KCNU1: variants seen among roughly 807,000 people sequenced by gnomAD.
The protein encoded by KCNU1 is potassium channel subfamily U member 1.
A neutral mutation model predicts 126.8 loss-of-function variants in KCNU1; 93 were observed. The observed-to-expected ratio is 0.73, with a 90% CI of 0.62 to 0.87. The LOEUF (loss-of-function observed/expected upper bound fraction) is 0.87, where lower values mean the gene tolerates loss of function less well. Among genes scored for constraint, KCNU1 ranks in the 40% least tolerant of loss-of-function variants. KCNU1 has a pLI of 0.00. For synonymous variants in KCNU1, 523 were observed against 494.2 expected (o/e 1.06, Z -0.77); for missense variants, 1,330 against 1,367.1 (o/e 0.97, Z 0.43).
At position 36,784,382 on chromosome 8, in the gene KCNU1, TG is replaced by T; in HGVS notation, c.-27del. ...GCGACCACGGCGTCATCAAATGACC[TG>T]GCAATTCCGTCTACTGATGTCTCGA... On this transcript the variant is annotated 5_prime_UTR_variant, in exon 1 of 27. An upstream open reading frame in the 5' UTR gains an earlier in-frame stop. Transcript: ENST00000399881. 6.3e-7 allele frequency: 1 copy of T among 1,575,990 alleles called. No individual in the cohort carries two copies. Among genetic ancestry groups the T allele is most frequent in the Non-Finnish European group, 8.7e-7 (1 of 1,155,090 alleles).
chr8:36,829,066 G>A (rs903801427), intron 10 of KCNU1, among the ~76,000 whole-genome samples: 15 of 151,834 alleles, frequency 9.9e-5, no homozygotes, highest in African/African-American at 2.7e-4. Flanking sequence ...TTCTCTTTCC[G>A]TGACATACTC....
rs150145652 is a variant in KCNU1, at chr8:36,826,391, G to T, written c.1107-7163G>T. Among the ~76,000 whole-genome samples, 338 of 151,946 alleles carry T rather than the reference G, an allele frequency of 2.2e-3. 5 individuals are homozygous for T. The highest frequency in any genetic ancestry group is 7.7e-3 in the African/African-American group (319 of 41,464). On this transcript the variant is annotated intron_variant, in intron 10 of 26. Coordinates refer to ENST00000399881, the MANE Select transcript of KCNU1 (RefSeq NM_001031836.3). ...CGCCTGGCTAATTTTTGTATTGTTA[G>T]TAGAGATGGGGTTTCACCATGTTGG...
chr8:36,841,054 T>C (rs1804938693), intron 16 of KCNU1, 51 bp downstream of exon 16: 2 of 1,176,026 alleles, frequency 1.7e-6, no homozygotes, highest in South Asian at 1.4e-5. Flanking sequence ...TTTTTTTTTT[T>C]TTCCTGGAGA....
rs775574992 is a variant in KCNU1, at chr8:36,821,230, C to G, written c.1106+3470C>G. On this transcript the variant is annotated intron_variant, in intron 10 of 26. Transcript: ENST00000399881. ...AGAGGACAGAGAAAAGAATTACGGA[C>G]AGTAGATTAACTCGTGAGCACAGAA... Among the ~76,000 whole-genome samples, 8 of 152,272 alleles carry G rather than the reference C, an allele frequency of 5.3e-5. No individual in the cohort carries two copies. In the South Asian group the frequency reaches 1.7e-3, roughly 32 times the overall value.
At position 36,833,541 on chromosome 8, in the gene KCNU1, C is replaced by A. The variant is rs1804636889; in HGVS notation, c.1107-13C>A. 1 of 1,539,406 alleles carries A rather than the reference C, an allele frequency of 6.5e-7. No homozygotes were observed. Among genetic ancestry groups the A allele is most frequent in the Admixed American group, 1.7e-5 (1 of 59,756 alleles). On this transcript the variant is annotated splice_polypyrimidine_tract_variant and intron_variant, in intron 10 of 26. Transcript: ENST00000399881. ...TTTTTTCCCTCATTGCTGCCACGTT[C>A]TTTTTTGTCCAGAACCCCTCCTTCT...
chr8:36,846,171 G>A (rs775459260), intron 18 of KCNU1, among the ~76,000 whole-genome samples: 2 of 152,164 alleles, frequency 1.3e-5, no homozygotes, highest in South Asian at 2.1e-4. Flanking sequence ...GCCAGTTAGC[G>A]GCATCACCAA....
chr8:36,791,556 G>A (rs748396267), intron 2 of KCNU1, among the ~76,000 whole-genome samples: 39 of 151,996 alleles, frequency 2.6e-4, no homozygotes, highest in South Asian at 4.1e-4. Context: ...CTGTGAATGT[G>A]TAATCCTCTC....
At chr8:36,922,402 A>G in intron 23 of KCNU1, 88 bp from the exon 24 acceptor site, 2 of 1,363,564 alleles carry the variant, frequency 1.5e-6, no homozygotes, top group African/African-American at 1.5e-5. Flanking sequence ...CTTTTGATCA[A>G]GTGGTCGCCC....
chr8:36,906,258 T>C (rs1807625448), intron 20 of KCNU1, among the ~76,000 whole-genome samples: 1 of 152,072 alleles, frequency 6.6e-6, no homozygotes, highest in African/African-American at 2.4e-5. Context: ...TAGTGGTTTT[T>C]CTTAAAGCTG....
chr8:36,935,444 T>C, intron 26 of KCNU1, 71 bp from the exon 27 acceptor site: 1 of 1,253,282 alleles, frequency 8.0e-7, no homozygotes, highest in South Asian at 1.5e-5. Context: ...GACCTCTTTA[T>C]TTGGGTCACT....
At chr8:36,829,503 A>G (rs970207258) in intron 10 of KCNU1, among the ~76,000 whole-genome samples, 1 of 151,798 alleles carries the variant, frequency 6.6e-6, no homozygotes, top group African/African-American at 2.4e-5. Flanking sequence ...CATTAATACT[A>G]CAGTCTTTTA....
chr8:36,851,244 A>G (rs968948116), intron 18 of KCNU1, among the ~76,000 whole-genome samples: 2 of 152,096 alleles, frequency 1.3e-5, no homozygotes, highest in African/African-American at 4.8e-5. Context: ...CTCATCTTGA[A>G]TTGTAATCCC....
chr8:36,825,156 C>T (rs1049502766), intron 10 of KCNU1, among the ~76,000 whole-genome samples: 4 of 152,094 alleles, frequency 2.6e-5, no homozygotes, highest in Admixed American at 1.3e-4. Context: ...TCTTTTTAAT[C>T]GTAGCCATTC....
At chr8:36,784,718 G>A in intron 1 of KCNU1, 113 bp downstream of exon 1, 1 of 829,690 alleles carries the variant, frequency 1.2e-6, no homozygotes, top group Non-Finnish European at 1.9e-6. Context: ...AACAGAGTCA[G>A]CTTCTATAGC....
At chr8:36,862,020 T>G (rs765090186) in intron 18 of KCNU1, among the ~76,000 whole-genome samples, 3 of 152,082 alleles carry the variant, frequency 2.0e-5, no homozygotes, top group East Asian at 1.9e-4. Context: ...TTGTTTGTTT[T>G]TTGGTATCCA....
chr8:36,899,640 G>C (rs1807339082), intron 19 of KCNU1, among the ~76,000 whole-genome samples: 1 of 152,104 alleles, frequency 6.6e-6, no homozygotes, highest in Non-Finnish European at 1.5e-5. Flanking sequence ...AGCAGAGAGA[G>C]AGGTTGAAGA....
intron 18 of KCNU1, among the ~76,000 whole-genome samples, chr8:36,863,118 C>T (rs1199302664): frequency 6.6e-6 from 1 of 152,276 alleles, no homozygotes; most frequent in East Asian, 1.9e-4. Flanking sequence ...ATCACATATC[C>T]AAAGGATGTC....
At chr8:36,836,722 C>T in intron 13 of KCNU1, 71 bp from the exon 14 acceptor site, 1 of 1,297,848 alleles carries the variant, frequency 7.7e-7, no homozygotes, top group South Asian at 1.3e-5. Flanking sequence ...AAAAGAAAGA[C>T]ATCCATCCTC....
At chr8:36,922,791 C>G (rs564929110) in intron 24 of KCNU1, among the ~76,000 whole-genome samples, 162 bp downstream of exon 24, 3 of 152,280 alleles carry the variant, frequency 2.0e-5, no homozygotes, top group South Asian at 4.1e-4. Context: ...TTTCTCATAA[C>G]TACTTGGTGT....
Sources: gnomAD v4.1 joint callset for allele counts (sites outside exome capture counted in the v4.1 genomes callset) on GRCh38, gnomAD v4.1.1 for gene constraint, MANE v1.5 for transcripts, NCBI Gene and HGNC (gene_info 2026-07-23, HGNC 2026-07-21) for gene names.